The following CLASP1 variants were observed in gnomAD, a reference collection of about 807,000 sequenced individuals.
CLASP1 encodes cytoplasmic linker associated protein 1.
CLASP1 carries 38 observed loss-of-function variants against 192.3 expected under a neutral mutation model. The ratio of observed to expected loss-of-function variants is 0.20; its 90% CI spans 0.15 to 0.26. The LOEUF (loss-of-function observed/expected upper bound fraction) is 0.26, where lower values mean the gene tolerates loss of function less well. Among genes scored for constraint, CLASP1 ranks in the 10% least tolerant of loss-of-function variants. The pLI is 1.00. For missense variants in CLASP1, 1,433 were observed against 1,932.5 expected, an observed-to-expected ratio of 0.74 and a Z score of 4.85; for synonymous variants, 691 against 712.8, an observed-to-expected ratio of 0.97 and a Z score of 0.49.
intron 9 of CLASP1, 143 bp downstream of exon 9, chr2:121,469,665 T>C (rs2090315778): frequency 5.3e-6 from 4 of 751,006 alleles, no homozygotes; most frequent in African/African-American, 1.8e-5. Flanking sequence ...GCAATGCTAA[T>C]TCAATTAAAG....
chr2:121,547,184 C>T (rs2057527061), intron 2 of CLASP1, among the ~76,000 whole-genome samples: 1 of 152,196 alleles, frequency 6.6e-6, no homozygotes, highest in Admixed American at 6.5e-5. Context: ...GGGCCTCCAG[C>T]CACCCCCTTA....
At chr2:121,398,275 C>G (rs751903886) in intron 29 of CLASP1, 47 bp downstream of exon 30, 33 of 1,395,786 alleles carry the variant, frequency 2.4e-5, no homozygotes, top group Non-Finnish European at 3.1e-5. Flanking sequence ...TAAATTTAAA[C>G]AAATGTGAGT....
At chr2:121,623,982 T>A (rs1419941787) in intron 1 of CLASP1, among the ~76,000 whole-genome samples, 1 of 152,228 alleles carries the variant, frequency 6.6e-6, no homozygotes, top group Non-Finnish European at 1.5e-5. Context: ...TAATCTTTTT[T>A]AATTTCCATG....
intron 37 of CLASP1, among the ~76,000 whole-genome samples, chr2:121,358,974 T>C (rs149775967): frequency 5.9e-5 from 9 of 152,378 alleles, no homozygotes; most frequent in Non-Finnish European, 1.2e-4. Context: ...CAGAATAAGC[T>C]AAGTCTAATG....
chr2:121,621,220 C>CA (rs979547178), intron 1 of CLASP1, among the ~76,000 whole-genome samples: 19 of 144,600 alleles, frequency 1.3e-4, no homozygotes, highest in African/African-American at 1.8e-4. Context: ...GAACCTGTAT[C>CA]AAAAAAAAAA....
intron 30 of CLASP1, among the ~76,000 whole-genome samples, chr2:121,388,697 C>G (rs540929874): frequency 6.6e-6 from 1 of 152,074 alleles, no homozygotes; most frequent in African/African-American, 2.4e-5. Flanking sequence ...GAATTAATTA[C>G]AATAGTTTTC....
Position 121,541,581 on chromosome 2 carries a change from T to A in CLASP1, c.196-11256A>T, listed in dbSNP as rs529570688. Among the ~76,000 whole-genome samples the A allele has an allele frequency of 7.9e-5, 12 of 152,302 alleles. No individual in the cohort carries two copies. The East Asian group carries it at 2.3e-3, about 29-fold the overall frequency. On this transcript the variant is annotated intron_variant, in intron 2 of 39. Coordinates refer to ENST00000263710, the Ensembl canonical transcript of CLASP1. ...TCATCTCTCTTTCTCTCTCTCTAGC[T>A]AGCTTAAGACCTTCTCTGCCAATAT...
At chr2:121,605,916 C>G (rs375455897) in exon 2 of CLASP1, 22 of 1,610,376 alleles carry the variant, frequency 1.4e-5, no homozygotes, top group Non-Finnish European at 1.8e-5. Context: ...AAATCCAGAT[C>G]CAGCAAAAGC....
At chr2:121,620,152 C>T (rs962781021) in intron 1 of CLASP1, among the ~76,000 whole-genome samples, 3 of 149,970 alleles carry the variant, frequency 2.0e-5, no homozygotes, top group East Asian at 4.0e-4. Context: ...AACCCAGAGG[C>T]GGAGGTCACA....
chr2:121,412,165 AT>A (rs1267072716), intron 23 of CLASP1, among the ~76,000 whole-genome samples: 1 of 152,232 alleles, frequency 6.6e-6, no homozygotes, highest in East Asian at 1.9e-4. Context: ...AAAAATGTCA[AT>A]TTCAAAACAT....
chr2:121,479,437 CA>C (rs2092406502), intron 8 of CLASP1, among the ~76,000 whole-genome samples: 1 of 152,106 alleles, frequency 6.6e-6, no homozygotes, highest in Non-Finnish European at 1.5e-5. Flanking sequence ...ACAACTTCAA[CA>C]AAAGGAAACT....
intron 21 of CLASP1, among the ~76,000 whole-genome samples, chr2:121,426,940 T>C (rs957356054): frequency 4.6e-5 from 7 of 152,018 alleles, no homozygotes; most frequent in Admixed American, 1.3e-4. Flanking sequence ...ATTTACTATG[T>C]ACTAGAATAG....
intron 19 of CLASP1, among the ~76,000 whole-genome samples, chr2:121,442,993 C>T (rs979313615): frequency 1.3e-5 from 2 of 152,150 alleles, no homozygotes; most frequent in African/African-American, 4.8e-5. Context: ...ACAGAACAGG[C>T]TCTCTCAGTC....
In CLASP1 at chr2:121,530,935, T is replaced by C. The variant is rs776819299; in HGVS notation, c.196-610A>G. 2.3e-5 allele frequency: 16 copies of C among 700,300 alleles called. No individual in the cohort carries two copies. Among genetic ancestry groups the C allele is most frequent in the South Asian group, 4.4e-5 (3 of 67,514 alleles). 43.4% of individuals were successfully genotyped at this position (700,300 alleles called of 1,614,324 possible). A position where few individuals can be genotyped will look rare whatever the true frequency, so the allele number is the denominator to read the frequency against. Reference sequence around the variant, plus strand: ...TCCAATGAGCGCATAGTGAGGGCAGTACTGCTAACGCCTGAACAACACACC... The same window carrying C: ...TCCAATGAGCGCATAGTGAGGGCAGCACTGCTAACGCCTGAACAACACACC... On this transcript the variant is annotated intron_variant, in intron 2 of 39. Transcript: ENST00000263710.
chr2:121,551,983 AC>A (rs904681599), intron 2 of CLASP1, among the ~76,000 whole-genome samples: 4 of 152,232 alleles, frequency 2.6e-5, no homozygotes, highest in Admixed American at 1.3e-4. Context: ...TGCTACTCAT[AC>A]AAAAACAGGC....
chr2:121,506,366 C>T (rs935702510), intron 7 of CLASP1, among the ~76,000 whole-genome samples: 7 of 152,042 alleles, frequency 4.6e-5, no homozygotes, highest in Non-Finnish European at 7.4e-5. Context: ...TGACTTAGAG[C>T]TTGTTCAATG....
intron 7 of CLASP1, among the ~76,000 whole-genome samples, chr2:121,507,906 C>A (rs1488702147): frequency 6.6e-6 from 1 of 152,032 alleles, no homozygotes; most frequent in African/African-American, 2.4e-5. Context: ...TTAAAAAAGA[C>A]AATCAACCAA....
intron 14 of CLASP1, among the ~76,000 whole-genome samples, chr2:121,452,147 C>A (rs1195548342): frequency 6.6e-6 from 1 of 152,178 alleles, no homozygotes; most frequent in Non-Finnish European, 1.5e-5. Flanking sequence ...CACTGTCATT[C>A]ATTTTTATAC....
intron 15 of CLASP1, among the ~76,000 whole-genome samples, chr2:121,451,524 A>G (rs1362473332): frequency 6.6e-6 from 1 of 152,248 alleles, no homozygotes; most frequent in Non-Finnish European, 1.5e-5. Context: ...AGGAATGTCA[A>G]GCAGCAGGGC....
Sources: allele counts gnomAD v4.1 joint callset (sites outside exome capture counted in the v4.1 genomes callset), GRCh38; gene constraint gnomAD v4.1.1; transcripts MANE v1.5; gene names NCBI Gene and HGNC (gene_info 2026-07-23, HGNC 2026-07-21).